The following SLC36A1 variants were observed in gnomAD, a reference collection of about 807,000 sequenced individuals.
SLC36A1 encodes proton-coupled amino acid transporter 1.
SLC36A1 carries 30 observed loss-of-function variants against 47.5 expected under a neutral mutation model. That is an observed-to-expected ratio of 0.63 (90% CI 0.47 to 0.86). SLC36A1 has a LOEUF of 0.86. Ranked by LOEUF, SLC36A1 falls within the 40% of genes least tolerant of loss-of-function variation. The pLI is 0.00. For missense variants in SLC36A1, 517 were observed against 606.0 expected (o/e 0.85, Z 1.54); for synonymous variants, 255 against 249.7 (o/e 1.02, Z -0.20).
chr5:151,427,738 C>T, the SLC36A1 span, among the ~76,000 whole-genome samples: 9 of 152,298 alleles, frequency 5.9e-5, no homozygotes, highest in South Asian at 1.7e-3. Flanking sequence ...TGTGCAGCAA[C>T]TTTCACCCTA....
chr5:151,497,677 T>A, the SLC36A1 span, among the ~76,000 whole-genome samples: 2 of 152,172 alleles, frequency 1.3e-5, no homozygotes, highest in African/African-American at 4.8e-5. Flanking sequence ...TTTCTTTACC[T>A]CACTATTACT....
chr5:151,532,090 G>C, the SLC36A1 span: 2 of 1,345,222 alleles, frequency 1.5e-6, no homozygotes, highest in Non-Finnish European at 2.0e-6. Flanking sequence ...GGACAAGCTG[G>C]CTTGGGTATA....
chr5:151,494,013 T>G (rs1760270563), downstream of SLC36A1, among the ~76,000 whole-genome samples: 2 of 152,200 alleles, frequency 1.3e-5, no homozygotes, highest in South Asian at 4.1e-4. Context: ...CAATCCTCTT[T>G]TAGGTTGTCT....
chr5:151,520,507 G>A, the SLC36A1 span, among the ~76,000 whole-genome samples: 1 of 152,212 alleles, frequency 6.6e-6, no homozygotes, highest in African/African-American at 2.4e-5. Context: ...CACAGAGTGT[G>A]GCGTACAGCA....
chr5:151,544,785 T>C, the SLC36A1 span: 11 of 1,614,174 alleles, frequency 6.8e-6, no homozygotes, highest in East Asian at 4.5e-5. Context: ...TTCGGAAATA[T>C]GTGTAATCTT....
rs1759867660 is a variant in SLC36A1 at position 151,488,704 on chromosome 5, C to G, written c.*450C>G. 1 of 169,524 alleles carries G rather than the reference C, an allele frequency of 5.9e-6. No individual in the cohort carries two copies. Among genetic ancestry groups the G allele is most frequent in the African/African-American group, 2.4e-5 (1 of 41,800 alleles). 10.5% of individuals were successfully genotyped at this position (169,524 alleles called of 1,614,324 possible). On this transcript the variant is annotated 3_prime_UTR_variant, in exon 11 of 11. Transcript: ENST00000243389. ...CCTCTTTATAAAGCTGGGCTTCTTT[C>G]TCATCTCTCTCCCAAATGTTGTATC...
intron 2 of SLC36A1, among the ~76,000 whole-genome samples, chr5:151,461,791 G>A (rs933593303): frequency 6.6e-6 from 1 of 152,208 alleles, no homozygotes; most frequent in Non-Finnish European, 1.5e-5. Context: ...TGATGAAACT[G>A]TAGGATTACT....
chr5:151,492,235 G>A lies in SLC36A1; in HGVS notation c.*3981G>A, dbSNP rs567107982. ...AACTAGACAGTACTGTGTATGTTAC[G>A]TGCCTGTGTGGATGTGCACTTCCAG... is the stretch of plus-strand genomic sequence containing the variant. On this transcript the variant is annotated 3_prime_UTR_variant, in exon 11 of 11. Coordinates refer to ENST00000243389, the MANE Select transcript of SLC36A1 (RefSeq NM_078483.4). 1 of 152,202 alleles carries A rather than the reference G, an allele frequency of 6.6e-6. No homozygotes were observed. The highest frequency in any genetic ancestry group is 6.5e-5 in the Admixed American group (1 of 15,288). The allele number at this position is 152,202 out of a possible 1,614,324, so 9.4% of individuals were successfully genotyped here.
chr5:151,541,290 G>T, the SLC36A1 span, among the ~76,000 whole-genome samples: 1 of 152,324 alleles, frequency 6.6e-6, no homozygotes, highest in Non-Finnish European at 1.5e-5. Flanking sequence ...CTCACTCTGA[G>T]ATCCTAAGAT....
the SLC36A1 span, among the ~76,000 whole-genome samples, chr5:151,425,144 A>G: frequency 1.3e-5 from 2 of 152,214 alleles, no homozygotes; most frequent in African/African-American, 4.8e-5. Context: ...CTCCTGAGAG[A>G]GAAATGGTCA....
chr5:151,412,994 G>T, the SLC36A1 span, among the ~76,000 whole-genome samples: 3 of 144,150 alleles, frequency 2.1e-5, 1 homozygote, highest in Admixed American at 2.1e-4. Flanking sequence ...CCTCAATAGG[G>T]CTTATCATGC....
the SLC36A1 span, among the ~76,000 whole-genome samples, chr5:151,547,593 C>A: frequency 2.0e-5 from 3 of 152,200 alleles, no homozygotes; most frequent in Non-Finnish European, 4.4e-5. Context: ...ACCTTTGAAG[C>A]CCTTCTCCAG....
the SLC36A1 span, chr5:151,509,888 C>T: frequency 9.5e-7 from 1 of 1,057,200 alleles, no homozygotes; most frequent in Non-Finnish European, 1.4e-6. Context: ...ACTGCCCTAA[C>T]AGATGGAAAA....
the SLC36A1 span, chr5:151,543,838 T>A: frequency 6.2e-7 from 1 of 1,614,086 alleles, no homozygotes; most frequent in Non-Finnish European, 8.5e-7. Context: ...CGATGAGCTG[T>A]TAATGAAGAA....
chr5:151,525,946 C>T, the SLC36A1 span: 1 of 1,614,132 alleles, frequency 6.2e-7, no homozygotes, highest in Non-Finnish European at 8.5e-7. Context: ...CAGGACTTTG[C>T]TGCCAATGGG....
chr5:151,526,025 C>G, the SLC36A1 span: 1 of 1,529,636 alleles, frequency 6.5e-7, no homozygotes, highest in Admixed American at 1.8e-5. Context: ...CTTCCTTTCG[C>G]ACGTGTCTGG....
chr5:151,374,419 T>G, the SLC36A1 span, among the ~76,000 whole-genome samples: 4 of 152,212 alleles, frequency 2.6e-5, no homozygotes, highest in Non-Finnish European at 5.9e-5. Flanking sequence ...CCTTTCAATG[T>G]GTATGTGTAT....
chr5:151,542,759 C>T, the SLC36A1 span: 22 of 1,614,222 alleles, frequency 1.4e-5, no homozygotes, highest in East Asian at 4.5e-5. Context: ...TTGTCATTGA[C>T]GTCTCCCACT....
At chr5:151,483,437 G>A (rs1373481410) in intron 10 of SLC36A1, among the ~76,000 whole-genome samples, 3 of 150,284 alleles carry the variant, frequency 2.0e-5, no homozygotes, top group African/African-American at 7.5e-5. Flanking sequence ...CGCCACAGCT[G>A]AGCTGCTGCT....
Sources: allele counts gnomAD v4.1 joint callset (sites outside exome capture counted in the v4.1 genomes callset), GRCh38; gene constraint gnomAD v4.1.1; transcripts MANE v1.5; gene names NCBI Gene and HGNC (gene_info 2026-07-23, HGNC 2026-07-21).